Variants in CSPP1 observed in about 807,000 individuals in gnomAD.
The protein encoded by CSPP1 is centrosome and spindle pole associated protein 1, also known as centrosome and spindle pole-associated protein 1.
CSPP1 carries 126 observed loss-of-function variants against 164.4 expected under a neutral mutation model. The observed-to-expected ratio is 0.77, with a 90% CI of 0.66 to 0.89. The LOEUF is 0.89. CSPP1 is among the 40% of genes least tolerant of loss of function. The probability of loss-of-function intolerance (pLI) is 0.00; values close to 1 mark genes in which losing one functional copy is unlikely to be tolerated. For missense variants in CSPP1, 1,395 were observed against 1,449.8 expected (o/e 0.96, Z 0.61); for synonymous variants, 472 against 476.7 (o/e 0.99, Z 0.13).
chr8:67,153,909 C>A, intron 18 of CSPP1, 115 bp from the exon 19 acceptor site: 1 of 574,872 alleles, frequency 1.7e-6, no homozygotes, highest in Non-Finnish European at 3.1e-6. Context: ...TGATTTTAAT[C>A]TTTGGACTTT....
intron 28 of CSPP1, among the ~76,000 whole-genome samples, chr8:67,187,992 C>G (rs1237944756): frequency 2.0e-5 from 3 of 152,062 alleles, no homozygotes; most frequent in African/African-American, 7.2e-5. Flanking sequence ...GATACAAAAC[C>G]AAAGGCACAA....
In CSPP1 at chr8:67,137,588, A is replaced by G. The variant is rs1822608363; in HGVS notation, c.1960A>G (p.Lys654Glu). 9 of 1,552,330 alleles carry G rather than the reference A, an allele frequency of 5.8e-6. No homozygotes were observed. The South Asian group carries it at 8.8e-5, about 15-fold the overall frequency. ...GGGGAPLRDA[K>E]GNLITDLNRM... ...AGGTGGTGCTCCTCTCAGGGATGCA[A>G]AAGGAAATCTGATAAGTACGTTATT... Residue 654 changes from lysine (K) to glutamate (E), a missense_variant, in exon 17 of 31, where the codon AAA becomes GAA. Transcript: ENST00000678616.
At chr8:67,113,697 T>G in intron 10 of CSPP1, 108 bp from the exon 11 acceptor site, 1 of 568,778 alleles carries the variant, frequency 1.8e-6, no homozygotes, top group East Asian at 3.2e-5. Context: ...TTATTTGTTT[T>G]TGTAGATGTA....
intron 22 of CSPP1, 29 bp downstream of exon 22, chr8:67,161,944 C>A: frequency 7.2e-7 from 1 of 1,393,106 alleles, no homozygotes; most frequent in Non-Finnish European, 1.0e-6. Context: ...ATTTGTTCAT[C>A]CTAGCTCAGT....
At chr8:67,067,368 G>A (rs1323721618) in intron 1 of CSPP1, among the ~76,000 whole-genome samples, 2 of 152,214 alleles carry the variant, frequency 1.3e-5, no homozygotes. Context: ...GTTTAGAGAT[G>A]TTGGTGTGGA....
chr8:67,110,907 T>A (rs899595796), intron 9 of CSPP1, among the ~76,000 whole-genome samples: 5 of 152,160 alleles, frequency 3.3e-5, no homozygotes, highest in South Asian at 2.1e-4. Context: ...TGAGGTTAAG[T>A]CTTGTGCTTG....
chr8:67,066,570 C>G (rs954266778), intron 1 of CSPP1, among the ~76,000 whole-genome samples: 3 of 152,074 alleles, frequency 2.0e-5, no homozygotes, highest in Non-Finnish European at 1.5e-5. Flanking sequence ...TTATTTCCAG[C>G]CTGGGTTCTA....
chr8:67,069,644 C>CA (rs2129540009), intron 1 of CSPP1, among the ~76,000 whole-genome samples: 1 of 147,648 alleles, frequency 6.8e-6, no homozygotes, highest in East Asian at 2.0e-4. Flanking sequence ...AATGACATTT[C>CA]TTTTTTTTCT....
chr8:67,154,574 G>A (rs1281798734), intron 19 of CSPP1, among the ~76,000 whole-genome samples: 1 of 151,776 alleles, frequency 6.6e-6, no homozygotes, highest in African/African-American at 2.4e-5. Context: ...CACCGTATTA[G>A]CCAGGATGGT....
chr8:67,182,065 G>A (rs903534542), intron 28 of CSPP1, among the ~76,000 whole-genome samples: 1 of 152,120 alleles, frequency 6.6e-6, no homozygotes, highest in African/African-American at 2.4e-5. Flanking sequence ...GCAGTGGTGT[G>A]ATCATGGCTC....
chr8:67,131,467 C>T (rs961885583), intron 15 of CSPP1, among the ~76,000 whole-genome samples: 24 of 152,184 alleles, frequency 1.6e-4, no homozygotes, highest in African/African-American at 5.3e-4. Context: ...TTTTATGTTT[C>T]CTTGTGAATT....
At chr8:67,122,202 T>TC (rs1819106775) in intron 15 of CSPP1, among the ~76,000 whole-genome samples, 1 of 151,650 alleles carries the variant, frequency 6.6e-6, no homozygotes, top group Non-Finnish European at 1.5e-5. Context: ...TTTTTTTTTT[T>TC]CTGTCGTTAT....
At chr8:67,114,948 G>A (rs1380126048) in intron 12 of CSPP1, 1 of 152,166 alleles carries the variant, frequency 6.6e-6, no homozygotes, top group Non-Finnish European at 1.5e-5. Flanking sequence ...TTAGAAAAGG[G>A]CACATAAGTG....
intron 1 of CSPP1, among the ~76,000 whole-genome samples, chr8:67,072,396 T>G (rs1807002144): frequency 6.6e-6 from 1 of 152,074 alleles, no homozygotes; most frequent in Non-Finnish European, 1.5e-5. Context: ...TAAAAATATA[T>G]CAAGAAAACT....
At position 67,115,894 on chromosome 8, in the gene CSPP1, AT is replaced by A. The variant is rs759923250; in HGVS notation, c.1288-12del. On this transcript the variant is annotated intron_variant, in intron 12 of 30. Coordinates refer to ENST00000678616, the MANE Select transcript of CSPP1 (RefSeq NM_001382391.1). ...ACTTATGATTATATGTAACAAACAG[AT>A]TTTTTTTCTTTATTTTAGCCTGATA... The A allele has an allele frequency of 1.8e-5, 28 of 1,596,522 alleles. No homozygotes were observed. The highest frequency in any genetic ancestry group is 1.7e-4 in the Middle Eastern group (1 of 6,014).
At chr8:67,088,577 C>G (rs535665465) in intron 4 of CSPP1, among the ~76,000 whole-genome samples, 2 of 149,644 alleles carry the variant, frequency 1.3e-5, no homozygotes, top group East Asian at 4.2e-4. Context: ...CATGAGCCAC[C>G]GCACCCGGCC....
At chr8:67,134,327 TAGCA>T (rs2129554582) in intron 16 of CSPP1, 1 of 152,352 alleles carries the variant, frequency 6.6e-6, no homozygotes, top group Non-Finnish European at 1.5e-5. Context: ...GATATTGTAT[TAGCA>T]AGCATGACAA....
chr8:67,177,274 C>G (rs1586763272), intron 26 of CSPP1, among the ~76,000 whole-genome samples: 1 of 152,076 alleles, frequency 6.6e-6, no homozygotes, highest in South Asian at 2.1e-4. Flanking sequence ...ATACCTGATC[C>G]AAGATCTTTG....
At chr8:67,117,113 T>G (rs1818094260) in intron 13 of CSPP1, among the ~76,000 whole-genome samples, 2 of 152,038 alleles carry the variant, frequency 1.3e-5, no homozygotes, top group South Asian at 4.1e-4. Context: ...AAAAGTGGAG[T>G]AGTATTATAT....
Sources: allele counts gnomAD v4.1 joint callset (sites outside exome capture counted in the v4.1 genomes callset), GRCh38; gene constraint gnomAD v4.1.1; transcripts MANE v1.5; gene names NCBI Gene and HGNC (gene_info 2026-07-23, HGNC 2026-07-21).